Variants in NTRK2 observed in about 807,000 individuals in gnomAD.
NTRK2 encodes the protein neurotrophic receptor tyrosine kinase 2.
Under a neutral mutation model 94.5 loss-of-function variants are expected in NTRK2, and 13 were observed. That is an observed-to-expected ratio of 0.14 (90% CI 0.09 to 0.22). The LOEUF (loss-of-function observed/expected upper bound fraction) is 0.22, where lower values mean the gene tolerates loss of function less well. Among genes scored for constraint, NTRK2 ranks in the 10% least tolerant of loss-of-function variants. NTRK2 has a pLI of 1.00. For synonymous variants in NTRK2, 372 were observed against 407.4 expected (o/e 0.91, Z 1.05); for missense variants, 639 against 1,071.2 (o/e 0.60, Z 5.63).
intron 12 of NTRK2, chr9:84,814,582 C>T (rs1182919794): frequency 9.4e-7 from 1 of 1,065,790 alleles, no homozygotes; most frequent in Non-Finnish European, 1.1e-6. Context: ...AGATACTACA[C>T]AAGACCTGTG....
chr9:84,908,614 A>C (rs1418797005), intron 14 of NTRK2, among the ~76,000 whole-genome samples: 9 of 152,192 alleles, frequency 5.9e-5, no homozygotes, highest in Admixed American at 5.9e-4. Flanking sequence ...TAAGTCAACA[A>C]ACATTTATTG....
At chr9:84,858,268 C>G (rs948758234) in intron 12 of NTRK2, among the ~76,000 whole-genome samples, 2 of 152,112 alleles carry the variant, frequency 1.3e-5, no homozygotes, top group East Asian at 3.9e-4. Flanking sequence ...CTGATTTCAC[C>G]CTGCAGCCAA....
chr9:84,965,608 T>A (rs1825464820), intron 17 of NTRK2, among the ~76,000 whole-genome samples: 1 of 152,186 alleles, frequency 6.6e-6, no homozygotes, highest in African/African-American at 2.4e-5. Context: ...TGTTAACAAG[T>A]ACTTTTTGGG....
At chr9:84,700,186 T>C (rs2060636872) in intron 2 of NTRK2, among the ~76,000 whole-genome samples, 2 of 152,206 alleles carry the variant, frequency 1.3e-5, no homozygotes, top group South Asian at 4.1e-4. Flanking sequence ...TGCTGTCAGT[T>C]GCATGAGAAA....
At chr9:84,887,933 T>C (rs1367488284) in intron 14 of NTRK2, among the ~76,000 whole-genome samples, 2 of 152,232 alleles carry the variant, frequency 1.3e-5, no homozygotes, top group Admixed American at 1.3e-4. Context: ...AAGTGACACA[T>C]GATCTTACTT....
At chr9:84,981,455 C>T (rs916348022) in intron 17 of NTRK2, among the ~76,000 whole-genome samples, 9 of 151,978 alleles carry the variant, frequency 5.9e-5, no homozygotes, top group African/African-American at 2.2e-4. Flanking sequence ...TGAATAATTC[C>T]TTAAAGTACA....
chr9:84,693,049 GTTTCATGGACCTTCTGT>G (rs2060148182), intron 2 of NTRK2, among the ~76,000 whole-genome samples: 1 of 152,220 alleles, frequency 6.6e-6, no homozygotes, highest in Non-Finnish European at 1.5e-5. Flanking sequence ...TGCTGGTTCA[GTTTCATGGACCTTCTGT>G]TTTCTTAAGA....
chr9:84,975,044 C>T (rs1426601723), intron 17 of NTRK2, among the ~76,000 whole-genome samples: 6 of 152,118 alleles, frequency 3.9e-5, no homozygotes, highest in South Asian at 4.2e-4. Flanking sequence ...TTGCCCTCGG[C>T]GGCTCTGGGA....
intron 15 of NTRK2, among the ~76,000 whole-genome samples, chr9:84,942,110 A>G (rs1312819934): frequency 6.6e-6 from 1 of 151,182 alleles, no homozygotes; most frequent in Non-Finnish European, 1.5e-5. Flanking sequence ...TTTCTAGCAC[A>G]TAGCAAGCAC....
At chr9:84,963,044 T>G (rs1825140553) in intron 17 of NTRK2, among the ~76,000 whole-genome samples, 1 of 152,196 alleles carries the variant, frequency 6.6e-6, no homozygotes, top group Non-Finnish European at 1.5e-5. Flanking sequence ...GCACTGGAGA[T>G]GTACTTGGTC....
chr9:84,699,279 G>T (rs1197432624), intron 2 of NTRK2, among the ~76,000 whole-genome samples: 1 of 152,048 alleles, frequency 6.6e-6, no homozygotes, highest in African/African-American at 2.4e-5. Context: ...CTCGTGATCC[G>T]CCCGACTTGG....
rs2074509614 is a variant in NTRK2, at chr9:84,847,105, C to T, written c.1397-13935C>T. Among the ~76,000 whole-genome samples the T allele has an allele frequency of 2.0e-5, 3 of 152,176 alleles. No homozygotes were observed. In the South Asian group the frequency reaches 6.2e-4, roughly 32 times the overall value. ...GGAAATTGCTAAAATAGGCTGTCCT[C>T]CCATCTCCAGAGGAGTCAAAGTCAT... On this transcript the variant is annotated intron_variant, in intron 12 of 18. Transcript: ENST00000277120.
intron 12 of NTRK2, among the ~76,000 whole-genome samples, chr9:84,800,139 G>A (rs575240911): frequency 2.3e-4 from 35 of 152,250 alleles, no homozygotes; most frequent in African/African-American, 7.7e-4. Context: ...CACTCCTCTC[G>A]CCTTTGGACA....
At chr9:84,710,159 T>C (rs892375171) in intron 5 of NTRK2, among the ~76,000 whole-genome samples, 1 of 152,248 alleles carries the variant, frequency 6.6e-6, no homozygotes, top group Admixed American at 6.5e-5. Flanking sequence ...ACTTACAGTC[T>C]CATTTTAAAT....
At position 84,723,616 on chromosome 9, in the gene NTRK2, G is replaced by A. The variant is rs2132022757; in HGVS notation, c.627G>A (p.Glu209=). 1 of 1,614,114 alleles carries A rather than the reference G, an allele frequency of 6.2e-7. No individual in the cohort carries two copies. The highest frequency in any genetic ancestry group is 1.7e-5 in the Admixed American group (1 of 60,022). ...TGGCCGCACCTAACCTCACTGTGGA[G>A]GAAGGAAAGTCTATCACATTATCCT... is the stretch of plus-strand genomic sequence containing the variant. ...ANLAAPNLTV[E]EGKSITLSCS... The change falls in exon 7 of 19, where the codon GAG becomes GAA. Residue 209 remains glutamate, a synonymous_variant. Transcript: ENST00000277120.
At chr9:84,872,933 G>T (rs989479526) in intron 14 of NTRK2, 1 of 1,065,022 alleles carries the variant, frequency 9.4e-7, no homozygotes, top group African/African-American at 1.6e-5. Flanking sequence ...TTACCAATAA[G>T]GGGAAAGGCT....
chr9:84,748,513 T>TA (rs1016471884), intron 11 of NTRK2, among the ~76,000 whole-genome samples: 4 of 152,198 alleles, frequency 2.6e-5, no homozygotes, highest in African/African-American at 9.6e-5. Flanking sequence ...GCATCTCTTC[T>TA]AGCTGTCATG....
intron 13 of NTRK2, among the ~76,000 whole-genome samples, chr9:84,864,736 C>CTT (rs71369154): frequency 0.045 from 4,673 of 104,562 alleles, 257 homozygotes; most frequent in Non-Finnish European, 0.056. Flanking sequence ...TCTTAATTTT[C>CTT]TTTTTTTTTT....
intron 17 of NTRK2, among the ~76,000 whole-genome samples, chr9:84,960,742 G>A (rs1212951654): frequency 6.6e-6 from 1 of 152,184 alleles, no homozygotes; most frequent in African/African-American, 2.4e-5. Context: ...TCCATACAAA[G>A]AGGCATCACA....
Sources: allele counts gnomAD v4.1 joint callset (sites outside exome capture counted in the v4.1 genomes callset), GRCh38; gene constraint gnomAD v4.1.1; transcripts MANE v1.5; gene names NCBI Gene and HGNC (gene_info 2026-07-23, HGNC 2026-07-21).